The following PPM1H variants were observed in gnomAD, a reference collection of about 807,000 sequenced individuals.
PPM1H encodes the protein protein phosphatase 1H.
Under a neutral mutation model 54.9 loss-of-function variants are expected in PPM1H, and 27 were observed. The ratio of observed to expected loss-of-function variants is 0.49; its 90% CI spans 0.36 to 0.68. The LOEUF (loss-of-function observed/expected upper bound fraction) is 0.68. Ranked by LOEUF, PPM1H falls within the 30% of genes least tolerant of loss-of-function variation. The pLI, the probability that PPM1H is intolerant of heterozygous loss-of-function variation, is 0.00. For synonymous variants in PPM1H, 305 were observed against 270.8 expected, an observed-to-expected ratio of 1.13 and a Z score of -1.24; for missense variants, 596 against 667.8, an observed-to-expected ratio of 0.89 and a Z score of 1.19.
intron 8 of PPM1H, among the ~76,000 whole-genome samples, chr12:62,675,768 T>A (rs1370731872): frequency 1.3e-5 from 2 of 152,188 alleles, no homozygotes; most frequent in African/African-American, 4.8e-5. Flanking sequence ...AAAAAATCAG[T>A]GTCACTACTT....
intron 3 of PPM1H, among the ~76,000 whole-genome samples, chr12:62,795,429 C>T (rs1212840009): frequency 2.0e-5 from 3 of 151,404 alleles, no homozygotes; most frequent in Non-Finnish European, 4.4e-5. Flanking sequence ...ACTACAAATG[C>T]CCCCAGATAA....
intron 6 of PPM1H, among the ~76,000 whole-genome samples, chr12:62,700,262 CTGGTCA>C (rs1227034535): frequency 1.3e-5 from 2 of 152,116 alleles, no homozygotes; most frequent in Non-Finnish European, 2.9e-5. Flanking sequence ...CATCATCACC[CTGGTCA>C]TGTGGCCTGC....
At chr12:62,819,349 G>C (rs985012546) in intron 2 of PPM1H, among the ~76,000 whole-genome samples, 1 of 147,986 alleles carries the variant, frequency 6.8e-6, no homozygotes, top group African/African-American at 2.5e-5. Context: ...GGCTTGTCTT[G>C]AACTCCTGAA....
intron 6 of PPM1H, among the ~76,000 whole-genome samples, chr12:62,712,668 T>A (rs1300737934): frequency 6.6e-6 from 1 of 152,032 alleles, no homozygotes; most frequent in Non-Finnish European, 1.5e-5. Flanking sequence ...AACTCAAGAG[T>A]CAAGCTGTTC....
In PPM1H at chr12:62,667,222, T is replaced by C. The variant is rs749022127; in HGVS notation, c.1353A>G (p.Ala451=). Residue 451 remains alanine (A), a synonymous_variant, in exon 9 of 10, where the codon GCA becomes GCG. Transcript: ENST00000228705. ...DVLSNEEVAE[A]ITQFLPNCDP... is the part of the protein sequence containing the mutation. Reference sequence around the variant, plus strand: ...CACAGTTAGGAAGAAACTGAGTGATTGCTTCTGCTACTTCTTCATTTGATA... The same window carrying C: ...CACAGTTAGGAAGAAACTGAGTGATCGCTTCTGCTACTTCTTCATTTGATA... 1.2e-6 allele frequency: 2 copies of C among 1,601,226 alleles called. No individual in the cohort carries two copies. Among genetic ancestry groups the C allele is most frequent in the South Asian group, 1.1e-5 (1 of 90,724 alleles).
intron 1 of PPM1H, among the ~76,000 whole-genome samples, chr12:62,874,815 C>T (rs561714936): frequency 6.6e-6 from 1 of 152,306 alleles, no homozygotes; most frequent in South Asian, 2.1e-4. Context: ...AGCTTCCGTG[C>T]TTTATGTTAA....
intron 3 of PPM1H, among the ~76,000 whole-genome samples, chr12:62,796,912 C>T (rs898086328): frequency 7.2e-5 from 11 of 152,210 alleles, no homozygotes; most frequent in African/African-American, 2.7e-4. Flanking sequence ...CTAATCCTGC[C>T]TTGGTCTTTT....
chr12:62,824,147 A>G (rs11174679), intron 2 of PPM1H, among the ~76,000 whole-genome samples: 22,899 of 151,194 alleles, frequency 0.15, 1,975 homozygotes, highest in Middle Eastern at 0.22. Context: ...ACTCCCATTC[A>G]CAATTGCTAC....
At chr12:62,873,040 A>G (rs373048346) in intron 1 of PPM1H, among the ~76,000 whole-genome samples, 2 of 152,204 alleles carry the variant, frequency 1.3e-5, no homozygotes, top group African/African-American at 4.8e-5. Context: ...TTTTATAATA[A>G]GGAAGCAAAA....
At chr12:62,695,883 C>T (rs1180834863) in intron 6 of PPM1H, among the ~76,000 whole-genome samples, 2 of 152,014 alleles carry the variant, frequency 1.3e-5, no homozygotes, top group African/African-American at 4.8e-5. Flanking sequence ...ATTGAAGACC[C>T]CATGTGGAGA....
At chr12:62,920,313 T>G (rs546730587) in intron 1 of PPM1H, among the ~76,000 whole-genome samples, 2 of 152,238 alleles carry the variant, frequency 1.3e-5, no homozygotes, top group South Asian at 4.1e-4. Flanking sequence ...TTACAAAAAA[T>G]CCTCTTTTTA....
chr12:62,702,544 C>CAG (rs66497730), intron 6 of PPM1H, among the ~76,000 whole-genome samples: 41,702 of 140,480 alleles, frequency 0.3, 6,210 homozygotes, highest in Admixed American at 0.33. Flanking sequence ...CCTTGAGCTA[C>CAG]AGAGAGAGAG....
intron 1 of PPM1H, among the ~76,000 whole-genome samples, chr12:62,853,779 G>A (rs1276312483): frequency 6.6e-6 from 1 of 152,146 alleles, no homozygotes; most frequent in Non-Finnish European, 1.5e-5. Context: ...GGGGAAGGGA[G>A]CCTACTCCTT....
chr12:62,684,448 A>T (rs2136631685), intron 8 of PPM1H, among the ~76,000 whole-genome samples: 1 of 150,542 alleles, frequency 6.6e-6, no homozygotes, highest in East Asian at 2.0e-4. Flanking sequence ...ACTAATTTTT[A>T]AACTCCTGTG....
At chr12:62,772,564 C>G (rs1370061269) in intron 4 of PPM1H, among the ~76,000 whole-genome samples, 1 of 152,140 alleles carries the variant, frequency 6.6e-6, no homozygotes, top group Non-Finnish European at 1.5e-5. Flanking sequence ...AGCAGCACCC[C>G]TAGTCTGAGG....
chr12:62,719,487 A>T (rs1215431299), intron 6 of PPM1H, among the ~76,000 whole-genome samples: 1 of 144,756 alleles, frequency 6.9e-6, no homozygotes, highest in East Asian at 2.2e-4. Context: ...CCTATAGTGT[A>T]TAAGTACTTA....
chr12:62,849,836 C>A (rs928448074), intron 1 of PPM1H, among the ~76,000 whole-genome samples: 3 of 152,190 alleles, frequency 2.0e-5, no homozygotes, highest in Admixed American at 1.3e-4. Context: ...AAAGAGCATC[C>A]ATGCCTCTAC....
intron 1 of PPM1H, among the ~76,000 whole-genome samples, chr12:62,932,845 G>A (rs1872189718): frequency 6.6e-6 from 1 of 151,776 alleles, no homozygotes; most frequent in African/African-American, 2.4e-5. Flanking sequence ...ATGTTATTCA[G>A]GCTGGTCTCG....
intron 1 of PPM1H, among the ~76,000 whole-genome samples, chr12:62,861,072 C>T (rs1869585014): frequency 1.3e-5 from 2 of 152,120 alleles, no homozygotes; most frequent in African/African-American, 2.4e-5. Flanking sequence ...ACGAGTAAGA[C>T]GATATTGGAA....
Sources: allele counts gnomAD v4.1 joint callset (sites outside exome capture counted in the v4.1 genomes callset), GRCh38; gene constraint gnomAD v4.1.1; transcripts MANE v1.5; gene names NCBI Gene and HGNC (gene_info 2026-07-23, HGNC 2026-07-21).